DOCK3: variants seen among roughly 807,000 people sequenced by gnomAD.
DOCK3 encodes the protein dedicator of cytokinesis 3.
DOCK3 carries 60 observed loss-of-function variants against 265.6 expected under a neutral mutation model. The observed-to-expected ratio is 0.23, with a 90% CI of 0.18 to 0.28. The LOEUF (loss-of-function observed/expected upper bound fraction) is 0.28, where lower values mean the gene tolerates loss of function less well. Ranked by LOEUF, DOCK3 falls within the 10% of genes least tolerant of loss-of-function variation. The pLI, the probability that DOCK3 is intolerant of heterozygous loss-of-function variation, is 1.00. For missense variants in DOCK3, 1,981 were observed against 2,594.3 expected (o/e 0.76, Z 5.14); for synonymous variants, 881 against 938.0 (o/e 0.94, Z 1.11).
chr3:51,080,418 A>G (rs1409091639), intron 7 of DOCK3, among the ~76,000 whole-genome samples: 1 of 152,226 alleles, frequency 6.6e-6, no homozygotes, highest in Non-Finnish European at 1.5e-5. Context: ...TGCAAAGTCT[A>G]GAGTTACGTA....
At chr3:50,884,815 C>T (rs1000593893) in intron 3 of DOCK3, among the ~76,000 whole-genome samples, 2 of 151,992 alleles carry the variant, frequency 1.3e-5, no homozygotes, top group African/African-American at 2.4e-5. Context: ...TCCCCGCCCC[C>T]CACAGTTTTC....
intron 2 of DOCK3, among the ~76,000 whole-genome samples, chr3:50,823,309 T>C (rs1373844677): frequency 6.6e-6 from 1 of 152,148 alleles, no homozygotes; most frequent in Admixed American, 6.5e-5. Flanking sequence ...CCTGCGGCCT[T>C]CCGGCCTTCC....
intron 3 of DOCK3, among the ~76,000 whole-genome samples, chr3:50,872,972 G>T (rs1328942805): frequency 2.0e-5 from 3 of 152,222 alleles, no homozygotes; most frequent in Non-Finnish European, 4.4e-5. Context: ...CAGAAATGCA[G>T]TCCAAGAGCC....
intron 12 of DOCK3, among the ~76,000 whole-genome samples, chr3:51,183,831 G>A (rs2087440173): frequency 6.6e-6 from 1 of 152,082 alleles, no homozygotes. Flanking sequence ...ATAAACTCAT[G>A]CCTAGCTTAA....
intron 5 of DOCK3, among the ~76,000 whole-genome samples, chr3:51,062,831 G>A (rs1475001066): frequency 6.6e-6 from 1 of 152,208 alleles, no homozygotes; most frequent in African/African-American, 2.4e-5. Flanking sequence ...TGAAACGTAT[G>A]TGTTGGAAAC....
chr3:51,106,652 G>A (rs903503746), intron 9 of DOCK3, among the ~76,000 whole-genome samples: 7 of 152,182 alleles, frequency 4.6e-5, no homozygotes, highest in African/African-American at 1.7e-4. Context: ...CTTGCCCCTA[G>A]CCCTGAGCAG....
chr3:50,921,752 G>C (rs1056171642), intron 4 of DOCK3, among the ~76,000 whole-genome samples: 2 of 152,166 alleles, frequency 1.3e-5, no homozygotes, highest in African/African-American at 4.8e-5. Context: ...TGTCCTTTCT[G>C]TTTGTTAGTT....
At chr3:50,998,638 C>A (rs1204289279) in intron 5 of DOCK3, among the ~76,000 whole-genome samples, 1 of 152,142 alleles carries the variant, frequency 6.6e-6, no homozygotes, top group Non-Finnish European at 1.5e-5. Flanking sequence ...ATAGCAATAT[C>A]TTTTAGTTTC....
intron 14 of DOCK3, among the ~76,000 whole-genome samples, chr3:51,222,565 A>G (rs1213541135): frequency 6.6e-6 from 1 of 152,224 alleles, no homozygotes; most frequent in African/African-American, 2.4e-5. Context: ...AATTGAAACC[A>G]TAATCGCATA....
At chr3:50,828,808 G>A (rs2044941706) in intron 2 of DOCK3, among the ~76,000 whole-genome samples, 1 of 151,938 alleles carries the variant, frequency 6.6e-6, no homozygotes, top group South Asian at 2.1e-4. Flanking sequence ...CTGCCTCCTG[G>A]ATTAAAGTGA....
At chr3:51,364,265 G>T (rs867654168) in intron 49 of DOCK3, among the ~76,000 whole-genome samples, 5 of 142,160 alleles carry the variant, frequency 3.5e-5, no homozygotes, top group African/African-American at 1.0e-4. Context: ...TCATGTGTCT[G>T]TTGGCTGCAT....
intron 4 of DOCK3, among the ~76,000 whole-genome samples, chr3:50,927,622 G>T (rs575505650): frequency 6.6e-6 from 1 of 152,286 alleles, no homozygotes; most frequent in East Asian, 1.9e-4. Flanking sequence ...TACTGTCTCT[G>T]GAAATTGACT....
At chr3:50,680,368 C>T (rs2034310962) in intron 1 of DOCK3, among the ~76,000 whole-genome samples, 1 of 151,626 alleles carries the variant, frequency 6.6e-6, no homozygotes, top group Non-Finnish European at 1.5e-5. Flanking sequence ...TGCGCCGCCA[C>T]ACCTGGCTAA....
At chr3:51,119,608 A>T (rs2083917922) in intron 9 of DOCK3, among the ~76,000 whole-genome samples, 1 of 152,116 alleles carries the variant, frequency 6.6e-6, no homozygotes, top group South Asian at 2.1e-4. Context: ...ACACCAATCA[A>T]ATGTAGGTTT....
chr3:50,822,304 A>T (rs1047513736), intron 2 of DOCK3, among the ~76,000 whole-genome samples: 16 of 152,032 alleles, frequency 1.1e-4, no homozygotes, highest in Non-Finnish European at 2.4e-4. Flanking sequence ...ATTGACTCTC[A>T]GCCTGGATGT....
intron 5 of DOCK3, among the ~76,000 whole-genome samples, chr3:51,017,892 CT>C: frequency 6.6e-6 from 1 of 151,758 alleles, no homozygotes; most frequent in South Asian, 2.1e-4. Flanking sequence ...TTTTCTATGT[CT>C]TTTTCTTTTT....
At position 51,042,581 on chromosome 3, in the gene DOCK3, A is replaced by G. The variant is rs189197762; in HGVS notation, c.316-21867A>G. Among the ~76,000 whole-genome samples, 20 of 152,328 alleles carry G rather than the reference A, an allele frequency of 1.3e-4. No individual in the cohort carries two copies. The South Asian group carries it at 3.7e-3, about 28-fold the overall frequency. On this transcript the variant is annotated intron_variant, in intron 5 of 52. Coordinates refer to ENST00000266037, the MANE Select transcript of DOCK3 (RefSeq NM_004947.5). ...CACTCCTGTTCGACATAATATTGGA[A>G]GTTCTGGCCAGGGCAGTCCAGCAGG... is the stretch of plus-strand genomic sequence containing the variant.
intron 1 of DOCK3, among the ~76,000 whole-genome samples, chr3:50,766,592 T>C (rs2108436603): frequency 6.6e-6 from 1 of 152,296 alleles, no homozygotes; most frequent in African/African-American, 2.4e-5. Context: ...TATGTGTGCA[T>C]GTGTCTTTAT....
intron 7 of DOCK3, among the ~76,000 whole-genome samples, 180 bp downstream of exon 7, chr3:51,075,620 A>G (rs927614748): frequency 2.0e-5 from 3 of 152,228 alleles, no homozygotes; most frequent in Non-Finnish European, 4.4e-5. Flanking sequence ...ATTCCATTGT[A>G]GTAAACTACA....
Sources: gnomAD v4.1 joint callset for allele counts (sites outside exome capture counted in the v4.1 genomes callset) on GRCh38, gnomAD v4.1.1 for gene constraint, MANE v1.5 for transcripts, NCBI Gene and HGNC (gene_info 2026-07-23, HGNC 2026-07-21) for gene names.